PNPT1: variants seen among roughly 807,000 people sequenced by gnomAD.
PNPT1 encodes the protein polyribonucleotide nucleotidyltransferase 1, mitochondrial.
In PNPT1, 53 loss-of-function variants were observed where a neutral mutation model predicts 119.5. The ratio of observed to expected loss-of-function variants is 0.44; its 90% CI spans 0.36 to 0.56. The LOEUF (loss-of-function observed/expected upper bound fraction) is 0.56, where lower values mean the gene tolerates loss of function less well. Ranked by LOEUF, PNPT1 falls within the 20% of genes least tolerant of loss-of-function variation. The pLI, the probability that PNPT1 is intolerant of heterozygous loss-of-function variation, is 0.00. For synonymous variants in PNPT1, 357 were observed against 322.1 expected, an observed-to-expected ratio of 1.11 and a Z score of -1.16; for missense variants, 948 against 938.5, an observed-to-expected ratio of 1.01 and a Z score of -0.13.
At chr2:55,644,383 A>T (rs1387914453) in intron 23 of PNPT1, among the ~76,000 whole-genome samples, 2 of 152,222 alleles carry the variant, frequency 1.3e-5, no homozygotes, top group Non-Finnish European at 2.9e-5. Context: ...TAGATGTTCA[A>T]CTATAAAATG....
At chr2:55,651,198 G>C (rs1696183392) in intron 18 of PNPT1, among the ~76,000 whole-genome samples, 1 of 151,786 alleles carries the variant, frequency 6.6e-6, no homozygotes, top group Non-Finnish European at 1.5e-5. Flanking sequence ...TGGGAGGTGA[G>C]GGGCGCCTCT....
intron 15 of PNPT1, among the ~76,000 whole-genome samples, chr2:55,659,698 A>T (rs1048425478): frequency 6.6e-6 from 1 of 152,138 alleles, no homozygotes; most frequent in East Asian, 1.9e-4. Context: ...TACTACTTAC[A>T]TCTCTCTCTA....
intron 1 of PNPT1, 72 bp from the exon 2 acceptor site, chr2:55,687,777 T>C: frequency 8.4e-7 from 1 of 1,195,802 alleles, no homozygotes; most frequent in South Asian, 1.6e-5. Context: ...TATAAAATAA[T>C]AAAAGATTCT....
At chr2:55,650,344 T>A (rs899391271) in intron 18 of PNPT1, among the ~76,000 whole-genome samples, 3 of 152,200 alleles carry the variant, frequency 2.0e-5, no homozygotes, top group African/African-American at 7.2e-5. Context: ...GGGGTTTCGC[T>A]GTGTTGGCTG....
chr2:55,689,475 A>G (rs1697523373), intron 1 of PNPT1, among the ~76,000 whole-genome samples: 1 of 152,242 alleles, frequency 6.6e-6, no homozygotes, highest in South Asian at 2.1e-4. Flanking sequence ...TCAACTGATG[A>G]ATGGATAAGC....
chr2:55,686,860 T>A (rs1175212492), intron 2 of PNPT1, among the ~76,000 whole-genome samples: 1 of 152,108 alleles, frequency 6.6e-6, no homozygotes, highest in East Asian at 1.9e-4. Flanking sequence ...CTGGGCACGG[T>A]CGCTCACACT....
At chr2:55,688,841 A>T (rs1423928839) in intron 1 of PNPT1, among the ~76,000 whole-genome samples, 2 of 152,236 alleles carry the variant, frequency 1.3e-5, no homozygotes, top group Non-Finnish European at 2.9e-5. Flanking sequence ...AAGGACCTTC[A>T]TGTTCAACAG....
rs1196695661 is a variant in PNPT1, at chr2:55,685,055, C to A, written c.298-7G>T. 2 of 1,562,746 alleles carry A rather than the reference C, an allele frequency of 1.3e-6. No homozygotes were observed. The highest frequency in any genetic ancestry group is 3.7e-5 in the Admixed American group (2 of 53,632). On this transcript the variant is annotated splice_polypyrimidine_tract_variant and splice_region_variant and intron_variant, in intron 3 of 27. Coordinates refer to ENST00000447944, the MANE Select transcript of PNPT1 (RefSeq NM_033109.5). ...CTTTTTGTCTGTAGTCAACCTGAAG[C>A]AGCAATAAAAAAAAGTTCATATAAT...
At chr2:55,643,822 C>T (rs1301452283) in intron 23 of PNPT1, among the ~76,000 whole-genome samples, 1 of 151,990 alleles carries the variant, frequency 6.6e-6, no homozygotes, top group African/African-American at 2.4e-5. Context: ...CTATTAGTAG[C>T]TGGGTGGAGT....
chr2:55,677,807 T>C (rs1216028094), intron 8 of PNPT1, among the ~76,000 whole-genome samples: 1 of 151,060 alleles, frequency 6.6e-6, no homozygotes, highest in Non-Finnish European at 1.5e-5. Flanking sequence ...TGGTGTGATC[T>C]CGGCTCACTG....
In PNPT1 at chr2:55,646,615, T is replaced by C. The variant is rs977078281; in HGVS notation, c.1603-129A>G. The C allele has an allele frequency of 1.5e-5, 10 of 648,614 alleles. No homozygotes were observed. In the Admixed American group the frequency reaches 2.8e-4, roughly 18 times the overall value. 40.2% of individuals were successfully genotyped at this position (648,614 alleles called of 1,614,324 possible). ...CCTAAGTCCAAACACAAAGCAATGT[T>C]TTCTACATTAACTACCACTTCCAAT... On this transcript the variant is annotated intron_variant, in intron 19 of 27. Transcript: ENST00000447944.
chr2:55,693,836 G>C lies in PNPT1; in HGVS notation c.-13C>G, dbSNP rs767035681. 1.2e-6 allele frequency: 2 copies of C among 1,612,334 alleles called. No homozygotes were observed. The highest frequency in any genetic ancestry group is 1.7e-6 in the Non-Finnish European group (2 of 1,179,912). ...TGCAGGCCGCCATGACACCCGGCAC[G>C]CGGTCAACGCAGGCTGTGCCCTGAT... On this transcript the variant is annotated 5_prime_UTR_variant, in exon 1 of 28. Transcript: ENST00000447944.
At position 55,671,961 on chromosome 2, in the gene PNPT1, G is replaced by A. The variant is rs201737263; in HGVS notation, c.918+34C>T. On this transcript the variant is annotated intron_variant, in intron 10 of 27. Coordinates refer to ENST00000447944, the MANE Select transcript of PNPT1 (RefSeq NM_033109.5). ...GTTATGACAAAAATGTATTCCTAGG[G>A]CAATTATGGAAGACAAAACTCAGGT... 1.8e-4 allele frequency: 262 copies of A among 1,496,398 alleles called. No individual in the cohort carries two copies. In the African/African-American group the frequency reaches 1.8e-3, roughly 10 times the overall value. 92.7% of individuals were successfully genotyped at this position (1,496,398 alleles called of 1,614,324 possible).
Position 55,644,724 on chromosome 2 carries a change from G to A in PNPT1, c.1823-4C>T. On this transcript the variant is annotated splice_region_variant and splice_polypyrimidine_tract_variant and intron_variant, in intron 22 of 27. Coordinates refer to ENST00000447944, the MANE Select transcript of PNPT1 (RefSeq NM_033109.5). ...GATAATGGAACCTGAACAGTTTCTGGAACGTAATACAGACAAATATATAAA... is the reference window on the plus strand; with the variant it reads ...GATAATGGAACCTGAACAGTTTCTGAAACGTAATACAGACAAATATATAAA... The A allele has an allele frequency of 1.3e-6, 2 of 1,599,566 alleles. No homozygotes were observed. Among genetic ancestry groups the A allele is most frequent in the Non-Finnish European group, 1.7e-6 (2 of 1,167,900 alleles).
chr2:55,662,741 G>A (rs13014123), intron 13 of PNPT1, among the ~76,000 whole-genome samples: 27,713 of 151,960 alleles, frequency 0.18, 2,584 homozygotes, highest in East Asian at 0.26. Flanking sequence ...ACATAATCCA[G>A]ACACTCTACA....
chr2:55,647,630 C>G (rs1407906380), intron 18 of PNPT1, among the ~76,000 whole-genome samples, 177 bp from the exon 19 acceptor site: 1 of 151,964 alleles, frequency 6.6e-6, no homozygotes, highest in East Asian at 1.9e-4. Flanking sequence ...AGCAATCCTC[C>G]CACCTCAGCC....
At chr2:55,666,878 A>G (rs1320394423) in intron 13 of PNPT1, 113 bp downstream of exon 13, 4 of 625,188 alleles carry the variant, frequency 6.4e-6, no homozygotes, top group Admixed American at 3.8e-5. Flanking sequence ...ATTAATTTAA[A>G]TAAATAATAT....
chr2:55,670,487 G>C (rs1253083325), intron 11 of PNPT1, among the ~76,000 whole-genome samples: 1 of 152,148 alleles, frequency 6.6e-6, no homozygotes, highest in Non-Finnish European at 1.5e-5. Flanking sequence ...CGCCTGGCCA[G>C]AGGTTGATAT....
chr2:55,649,156 G>A (rs988969450), intron 18 of PNPT1, among the ~76,000 whole-genome samples: 1 of 152,026 alleles, frequency 6.6e-6, no homozygotes, highest in Non-Finnish European at 1.5e-5. Context: ...ATTCAAAATT[G>A]AGCCAGGCCC....
Sources: gnomAD v4.1 joint callset for allele counts (sites outside exome capture counted in the v4.1 genomes callset) on GRCh38, gnomAD v4.1.1 for gene constraint, MANE v1.5 for transcripts, NCBI Gene and HGNC (gene_info 2026-07-23, HGNC 2026-07-21) for gene names.